Variants in MAD1L1 observed in about 807,000 individuals in gnomAD.
The protein encoded by MAD1L1 is mitotic spindle assembly checkpoint protein MAD1.
In MAD1L1, 95 loss-of-function variants were observed where a neutral mutation model predicts 96.9. The observed-to-expected ratio is 0.98, with a 90% CI of 0.83 to 1.16. MAD1L1 has a LOEUF of 1.16. Among genes scored for constraint, MAD1L1 ranks in the 50% most tolerant of loss-of-function variants. The probability of loss-of-function intolerance (pLI) is 0.00; values close to 1 mark genes in which losing one functional copy is unlikely to be tolerated. For synonymous variants in MAD1L1, 473 were observed against 396.6 expected (o/e 1.19, Z -2.29); for missense variants, 1,007 against 954.4 (o/e 1.06, Z -0.73).
intron 17 of MAD1L1, among the ~76,000 whole-genome samples, chr7:1,932,528 G>A (rs759891489): frequency 3.3e-5 from 5 of 152,256 alleles, no homozygotes; most frequent in Admixed American, 2.0e-4. Context: ...CGAGATGCAG[G>A]TCACTCTGCT....
chr7:1,830,375 C>T (rs533113614), intron 18 of MAD1L1, among the ~76,000 whole-genome samples: 14 of 151,978 alleles, frequency 9.2e-5, no homozygotes, highest in South Asian at 4.2e-4. Flanking sequence ...CCAGCCTGGG[C>T]GACAGAGTGA....
At chr7:1,832,273 T>C (rs142601814) in intron 18 of MAD1L1, among the ~76,000 whole-genome samples, 1,844 of 152,096 alleles carry the variant, frequency 0.012, 35 homozygotes, top group African/African-American at 0.042. Context: ...GTGGTGAAAA[T>C]AGCAAGAGAA....
chr7:2,124,768 G>A (rs538332730), intron 11 of MAD1L1, among the ~76,000 whole-genome samples: 1 of 152,288 alleles, frequency 6.6e-6, no homozygotes, highest in East Asian at 1.9e-4. Context: ...CCCGGCGCTT[G>A]TGGGAGAAAC....
chr7:2,016,876 A>C (rs554772915), intron 12 of MAD1L1, among the ~76,000 whole-genome samples: 1 of 152,246 alleles, frequency 6.6e-6, no homozygotes, highest in South Asian at 2.1e-4. Context: ...TTGAAATCCT[A>C]TATCTTCCCA....
intron 14 of MAD1L1, among the ~76,000 whole-genome samples, chr7:1,994,568 C>T (rs1781477185): frequency 1.3e-5 from 2 of 152,136 alleles, no homozygotes. Flanking sequence ...AGGAGGTGGG[C>T]CCATGCCATG....
At chr7:2,083,358 T>A (rs2128540314) in intron 11 of MAD1L1, among the ~76,000 whole-genome samples, 1 of 152,236 alleles carries the variant, frequency 6.6e-6, no homozygotes, top group African/African-American at 2.4e-5. Flanking sequence ...CTCTAAGCAG[T>A]TTATTTCCTC....
intron 3 of MAD1L1, among the ~76,000 whole-genome samples, chr7:2,226,059 C>A (rs898427022): frequency 4.6e-5 from 7 of 152,320 alleles, no homozygotes; most frequent in Non-Finnish European, 8.8e-5. Context: ...TCAACCACGT[C>A]CAATCTCCCT....
intron 10 of MAD1L1, among the ~76,000 whole-genome samples, chr7:2,156,029 C>G (rs1262318841): frequency 6.6e-6 from 1 of 152,230 alleles, no homozygotes; most frequent in Admixed American, 6.5e-5. Flanking sequence ...AAAAGGTGGT[C>G]AGGCAGTTGC....
intron 14 of MAD1L1, among the ~76,000 whole-genome samples, chr7:2,001,508 G>A (rs982532225): frequency 6.6e-6 from 1 of 152,254 alleles, no homozygotes; most frequent in African/African-American, 2.4e-5. Flanking sequence ...ACCCAGGCTC[G>A]GAGGCAGCCA....
At chr7:2,023,009 T>A (rs762309284) in intron 12 of MAD1L1, among the ~76,000 whole-genome samples, 12 of 152,248 alleles carry the variant, frequency 7.9e-5, no homozygotes, top group Middle Eastern at 3.2e-3. Flanking sequence ...AACATGCATC[T>A]ACTTAACAAC....
chr7:1,996,555 C>G (rs1003313242), intron 14 of MAD1L1, among the ~76,000 whole-genome samples: 1 of 152,206 alleles, frequency 6.6e-6, no homozygotes, highest in Middle Eastern at 3.2e-3. Flanking sequence ...CTGTAAAGCA[C>G]CTGCCGCTAG....
chr7:1,980,544 A>G lies in MAD1L1; in HGVS notation c.1417-3T>C, dbSNP rs1422049192. ...AGCATCTTCAGCTCCATCTCCAGCT[A>G]GGAGAAAGCAAAGGATAGAGGGTCA... On this transcript the variant is annotated splice_polypyrimidine_tract_variant and splice_region_variant and intron_variant, in intron 14 of 18. Coordinates refer to ENST00000265854, the MANE Select transcript of MAD1L1 (RefSeq NM_001013836.2). 3.1e-6 allele frequency: 5 copies of G among 1,608,340 alleles called. No individual in the cohort carries two copies. The highest frequency in any genetic ancestry group is 1.3e-5 in the African/African-American group (1 of 74,200).
chr7:1,951,497 ACT>A (rs1449601095), intron 16 of MAD1L1, among the ~76,000 whole-genome samples: 3 of 151,930 alleles, frequency 2.0e-5, no homozygotes, highest in African/African-American at 7.3e-5. Flanking sequence ...CATTCAGCAC[ACT>A]CTCAGTGCTG....
chr7:2,136,812 C>G (rs968855813), intron 11 of MAD1L1, among the ~76,000 whole-genome samples: 1 of 152,260 alleles, frequency 6.6e-6, no homozygotes, highest in Admixed American at 6.5e-5. Context: ...CTCTCCACAC[C>G]TGCACACCAA....
chr7:1,875,420 G>A (rs181927447), intron 18 of MAD1L1, among the ~76,000 whole-genome samples: 24 of 152,342 alleles, frequency 1.6e-4, no homozygotes, highest in Admixed American at 6.5e-4. Flanking sequence ...GTTCTGGCAC[G>A]CAGGGAGGGA....
At chr7:1,888,364 G>C (rs1322535397) in intron 18 of MAD1L1, among the ~76,000 whole-genome samples, 1 of 136,184 alleles carries the variant, frequency 7.3e-6, no homozygotes, top group Admixed American at 7.4e-5. Context: ...GTGCATGCAT[G>C]CGTGTATGTG....
chr7:2,177,849 G>C (rs1416405225), intron 10 of MAD1L1, among the ~76,000 whole-genome samples: 1 of 152,202 alleles, frequency 6.6e-6, no homozygotes, highest in Non-Finnish European at 1.5e-5. Context: ...AGTCTCAGTG[G>C]CTCTGGAGAA....
intron 15 of MAD1L1, among the ~76,000 whole-genome samples, chr7:1,965,049 C>A (rs537461670): frequency 6.6e-6 from 1 of 152,376 alleles, no homozygotes; most frequent in East Asian, 1.9e-4. Context: ...CATTTTACTT[C>A]TCTGTCCCCT....
intron 17 of MAD1L1, among the ~76,000 whole-genome samples, chr7:1,934,076 A>G (rs915321083): frequency 6.6e-6 from 1 of 152,132 alleles, no homozygotes; most frequent in Admixed American, 6.5e-5. Context: ...GGCCACCAAC[A>G]CTGTGATTTT....
Sources: allele counts gnomAD v4.1 joint callset (sites outside exome capture counted in the v4.1 genomes callset), GRCh38; gene constraint gnomAD v4.1.1; transcripts MANE v1.5; gene names NCBI Gene and HGNC (gene_info 2026-07-23, HGNC 2026-07-21).